Variants in USP28 observed in about 807,000 individuals in gnomAD.
USP28 encodes the protein ubiquitin specific peptidase 28.
A neutral mutation model predicts 145.0 loss-of-function variants in USP28; 113 were observed. That is an observed-to-expected ratio of 0.78 (90% CI 0.67 to 0.91). USP28 has a LOEUF of 0.91. Among genes scored for constraint, USP28 ranks in the 40% least tolerant of loss-of-function variants. The pLI is 0.00. For synonymous variants in USP28, 447 were observed against 450.9 expected (o/e 0.99, Z 0.11); for missense variants, 1,201 against 1,289.6 (o/e 0.93, Z 1.05).
chr11:113,830,316 A>G (rs1943843630), intron 9 of USP28, among the ~76,000 whole-genome samples: 1 of 152,234 alleles, frequency 6.6e-6, no homozygotes, highest in African/African-American at 2.4e-5. Context: ...TGTTTTAAAA[A>G]GAGTATCAGA....
intron 1 of USP28, among the ~76,000 whole-genome samples, chr11:113,872,485 TC>T (rs1165960469): frequency 5.1e-5 from 7 of 136,018 alleles, no homozygotes; most frequent in African/African-American, 1.3e-4. Flanking sequence ...AGACTCCGTC[TC>T]AAAAAAAAAA....
intron 24 of USP28, 44 bp from the exon 26 acceptor site, chr11:113,799,459 T>C: frequency 6.3e-7 from 1 of 1,579,202 alleles, no homozygotes; most frequent in Non-Finnish European, 8.6e-7. Context: ...CTAAACAGAT[T>C]TCTGAGTAAA....
chr11:113,799,476 C>T (rs984570932), intron 24 of USP28, 61 bp from the exon 26 acceptor site: 1 of 1,552,614 alleles, frequency 6.4e-7, no homozygotes, highest in African/African-American at 1.4e-5. Context: ...TAAAAGTGAA[C>T]AAGCCTTCTA....
At chr11:113,815,091 G>A (rs1190927587) in intron 14 of USP28, 83 bp downstream of exon 14, 1 of 1,191,228 alleles carries the variant, frequency 8.4e-7, no homozygotes, top group African/African-American at 1.5e-5. Flanking sequence ...GTAATGTCAG[G>A]AAGTGTACCG....
At chr11:113,803,862 A>T (rs1240490864) in exon 22 of USP28, 13 of 1,613,726 alleles carry the variant, frequency 8.1e-6, no homozygotes, top group Non-Finnish European at 1.1e-5. Context: ...AACAAACTAT[A>T]ATCTTCATGC....
At chr11:113,802,213 A>T (rs1404566660) in intron 23 of USP28, among the ~76,000 whole-genome samples, 1 of 152,226 alleles carries the variant, frequency 6.6e-6, no homozygotes, top group Non-Finnish European at 1.5e-5. Context: ...GATATTCAAA[A>T]TGTCAATCTA....
chr11:113,804,805 C>G, intron 20 of USP28, 54 bp from the exon 22 acceptor site: 1 of 1,611,460 alleles, frequency 6.2e-7, no homozygotes, highest in Non-Finnish European at 8.5e-7. Flanking sequence ...AAAACTTCCC[C>G]AACAGAGGAG....
chr11:113,872,697 T>C (rs1053530424), intron 1 of USP28, among the ~76,000 whole-genome samples: 1 of 152,216 alleles, frequency 6.6e-6, no homozygotes, highest in Non-Finnish European at 1.5e-5. Flanking sequence ...GAATGTGTGA[T>C]GTGAACCCTC....
intron 17 of USP28, 118 bp from the exon 18 acceptor site, chr11:113,808,555 AC>A (rs1940433260): frequency 2.7e-6 from 3 of 1,091,490 alleles, no homozygotes; most frequent in Non-Finnish European, 3.7e-6. Context: ...ACAGCTTTTT[AC>A]AAAAGCCTAT....
At chr11:113,814,087 A>G (rs2519200) in intron 14 of USP28, 132 bp from the exon 15 acceptor site, 154,825 of 626,748 alleles carry the variant, frequency 0.25, 20,121 homozygotes, top group East Asian at 0.39. Context: ...CCACGAAGCA[A>G]TATACAGTTT....
chr11:113,841,736 C>T, exon 4 of USP28: 1 of 1,613,362 alleles, frequency 6.2e-7, no homozygotes, highest in South Asian at 1.1e-5. Flanking sequence ...GCCTGAAGAT[C>T]ATCTTTGTTA....
intron 3 of USP28, among the ~76,000 whole-genome samples, chr11:113,847,189 A>T (rs17802617): frequency 0.18 from 27,914 of 151,898 alleles, 2,670 homozygotes; most frequent in Middle Eastern, 0.21. Flanking sequence ...AATACCTAAA[A>T]ACAATTACGA....
intron 15 of USP28, among the ~76,000 whole-genome samples, chr11:113,813,353 A>G (rs1017800365): frequency 6.6e-6 from 1 of 152,194 alleles, no homozygotes; most frequent in African/African-American, 2.4e-5. Context: ...GCCCCTAACC[A>G]GAATAGGTTC....
Position 113,803,973 on chromosome 11 carries a change from G to C in USP28, c.2659-96C>G. 5 of 1,054,224 alleles carry C rather than the reference G, an allele frequency of 4.7e-6. No individual in the cohort carries two copies. In the South Asian group the frequency reaches 5.9e-5, roughly 13 times the overall value. 65.3% of individuals were successfully genotyped at this position (1,054,224 alleles called of 1,614,324 possible). Reference sequence around the variant, plus strand: ...TAAATTCATTACAAATATTTACTGAGCACATCTGGCTAGCCACAAAAATAA... The same window carrying C: ...TAAATTCATTACAAATATTTACTGACCACATCTGGCTAGCCACAAAAATAA... On this transcript the variant is annotated intron_variant, in intron 21 of 24. Transcript: ENST00000003302.
rs540195398 is a variant in USP28, at chr11:113,857,031, T to C, written c.58-2696A>G. On this transcript the variant is annotated intron_variant, in intron 1 of 24. Transcript: ENST00000003302. Reference sequence around the variant, plus strand: ...TAGAGAGGTAAATATTACATTTGACTAAATCTAAGGTGCCATCGGTTGAAA... The same window carrying C: ...TAGAGAGGTAAATATTACATTTGACCAAATCTAAGGTGCCATCGGTTGAAA... Among the ~76,000 whole-genome samples the C allele has an allele frequency of 7.2e-5, 11 of 152,340 alleles. No individual in the cohort carries two copies. In the East Asian group the frequency reaches 2.1e-3, roughly 29 times the overall value.
rs1938450138 is a variant in USP28, at chr11:113,799,104, A to T, written c.*136T>A. ...TTTTATTTTCAATCCTTCTTTACAC[A>T]TGCAGCATGGTTGGGGTCTGATCGG... On this transcript the variant is annotated 3_prime_UTR_variant, in exon 25 of 25. Transcript: ENST00000003302. 1.0e-5 allele frequency: 10 copies of T among 959,588 alleles called. No homozygotes were observed. In the South Asian group the frequency reaches 1.8e-4, roughly 17 times the overall value. The allele number at this position is 959,588 out of a possible 1,614,324, so 59.4% of individuals were successfully genotyped here.
chr11:113,857,618 G>A (rs1368975428), intron 1 of USP28, among the ~76,000 whole-genome samples: 3 of 152,184 alleles, frequency 2.0e-5, no homozygotes, highest in Non-Finnish European at 2.9e-5. Flanking sequence ...CATCACATCT[G>A]CTACTTGGAT....
intron 2 of USP28, among the ~76,000 whole-genome samples, chr11:113,853,285 A>ATCCTGTC (rs1353710893): frequency 2.3e-5 from 3 of 128,586 alleles, no homozygotes; most frequent in Admixed American, 8.6e-5. Flanking sequence ...ACTGAGTGAG[A>ATCCTGTC]TCCTGTCTCC....
intron 7 of USP28, 39 bp downstream of exon 7, chr11:113,833,381 G>C: frequency 6.2e-7 from 1 of 1,603,526 alleles, no homozygotes; most frequent in Non-Finnish European, 8.5e-7. Flanking sequence ...ACACTGACAA[G>C]GCATGACTTC....
Sources: allele counts gnomAD v4.1 joint callset (sites outside exome capture counted in the v4.1 genomes callset), GRCh38; gene constraint gnomAD v4.1.1; transcripts MANE v1.5; gene names NCBI Gene and HGNC (gene_info 2026-07-23, HGNC 2026-07-21).